NUP205: variants seen among roughly 807,000 people sequenced by gnomAD.
The protein encoded by NUP205 is nucleoporin 205.
A neutral mutation model predicts 253.8 loss-of-function variants in NUP205; 76 were observed. The observed-to-expected ratio is 0.30, with a 90% CI of 0.25 to 0.36. NUP205 has a LOEUF of 0.36. Among genes scored for constraint, NUP205 ranks in the 10% least tolerant of loss-of-function variants. The probability of loss-of-function intolerance (pLI) is 1.00; values close to 1 mark genes in which losing one functional copy is unlikely to be tolerated. For missense variants in NUP205, 2,162 were observed against 2,425.5 expected (o/e 0.89, Z 2.28); for synonymous variants, 832 against 850.1 (o/e 0.98, Z 0.37).
At chr7:135,592,161 G>A (rs994342216) in intron 11 of NUP205, among the ~76,000 whole-genome samples, 9 of 152,200 alleles carry the variant, frequency 5.9e-5, no homozygotes, top group Non-Finnish European at 7.3e-5. Context: ...GAGCCATGAT[G>A]GGAGCTGAAA....
chr7:135,574,315 AAAAT>A (rs1339958917), intron 3 of NUP205, among the ~76,000 whole-genome samples: 1 of 152,162 alleles, frequency 6.6e-6, no homozygotes, highest in African/African-American at 2.4e-5. Flanking sequence ...GAGTAGGTAA[AAAAT>A]AAGATGATTT....
Position 135,644,893 on chromosome 7 carries a change from A to G in NUP205, c.5560-2A>G. 6.2e-7 allele frequency: 1 copy of G among 1,613,262 alleles called. No homozygotes were observed. Among genetic ancestry groups the G allele is most frequent in the Non-Finnish European group, 8.5e-7 (1 of 1,179,724 alleles). ...TTCTAATACCACATTTGTTTCTTCT[A>G]GTTGTGTCAGTCTGTGATGCCTGCT... On this transcript the variant is annotated splice_acceptor_variant, in intron 39 of 42. Coordinates refer to ENST00000285968, the MANE Select transcript of NUP205 (RefSeq NM_015135.3). LOFTEE classifies it high-confidence loss of function.
chr7:135,634,089 T>C (rs559096191), intron 35 of NUP205, among the ~76,000 whole-genome samples: 12 of 152,284 alleles, frequency 7.9e-5, no homozygotes, highest in African/African-American at 2.9e-4. Context: ...CTCACAGATA[T>C]ATATATTTTT....
intron 30 of NUP205, among the ~76,000 whole-genome samples, chr7:135,621,465 T>C (rs1794468591): frequency 6.6e-6 from 1 of 152,176 alleles, no homozygotes; most frequent in Non-Finnish European, 1.5e-5. Flanking sequence ...TACAATAGGC[T>C]TTTTATAAGA....
intron 2 of NUP205, 32 bp downstream of exon 2, chr7:135,571,279 ATTT>A (rs546492942): frequency 3.4e-5 from 36 of 1,071,116 alleles, no homozygotes; most frequent in Non-Finnish European, 4.3e-5. Flanking sequence ...TTTTTTTGGG[ATTT>A]TTTTTTTTTT....
intron 21 of NUP205, 62 bp from the exon 22 acceptor site, chr7:135,607,185 G>A (rs1794103941): frequency 6.3e-7 from 1 of 1,588,146 alleles, no homozygotes; most frequent in Admixed American, 1.8e-5. Flanking sequence ...TGAAAAGGCA[G>A]TCTAAGATTT....
intron 30 of NUP205, 33 bp from the exon 31 acceptor site, chr7:135,622,743 AC>A (rs1212385023): frequency 2.5e-6 from 4 of 1,601,990 alleles, no homozygotes; most frequent in Admixed American, 1.7e-5. Flanking sequence ...ACTGCTTTTT[AC>A]TGGAGTGTTT....
intron 37 of NUP205, 137 bp from the exon 38 acceptor site, chr7:135,638,420 A>G: frequency 3.7e-6 from 3 of 811,234 alleles, no homozygotes; most frequent in Non-Finnish European, 5.6e-6. Flanking sequence ...ATCTGAAAAA[A>G]AAAAAAAAAA....
intron 23 of NUP205, among the ~76,000 whole-genome samples, chr7:135,615,026 T>G (rs528221217): frequency 6.6e-6 from 1 of 152,320 alleles, no homozygotes; most frequent in Admixed American, 6.5e-5. Flanking sequence ...TTTCACTCTA[T>G]TTTCATAAGT....
At chr7:135,614,116 C>T in intron 22 of NUP205, 43 bp from the exon 23 acceptor site, 2 of 1,119,022 alleles carry the variant, frequency 1.8e-6, no homozygotes, top group Non-Finnish European at 2.7e-6. Context: ...ATGTGTAACA[C>T]AGAAAGACTG....
At chr7:135,561,909 T>TTCATTCCC (rs2129489427) in intron 1 of NUP205, among the ~76,000 whole-genome samples, 1 of 132,014 alleles carries the variant, frequency 7.6e-6, no homozygotes, top group Admixed American at 8.8e-5. Flanking sequence ...TGTTCCTTCC[T>TTCATTCCC]TCCTTCCCTC....
intron 1 of NUP205, among the ~76,000 whole-genome samples, chr7:135,568,935 T>C (rs1432233876): frequency 1.3e-5 from 2 of 152,258 alleles, no homozygotes; most frequent in African/African-American, 4.8e-5. Flanking sequence ...ATTTTATTGT[T>C]TGTGCCAACA....
Position 135,617,661 on chromosome 7 carries a change from A to T in NUP205, c.3750A>T (p.Gly1250=), listed in dbSNP as rs764987480. The T allele has an allele frequency of 6.2e-7, 1 of 1,610,750 alleles. No homozygotes were observed. Among genetic ancestry groups the T allele is most frequent in the South Asian group, 1.1e-5 (1 of 90,986 alleles). Reference sequence around the variant, plus strand: ...CCCTTCAGGGTATGGCAGCCATAGGACAGAGACCTCTACTAATGGAGGTAA... The same window carrying T: ...CCCTTCAGGGTATGGCAGCCATAGGTCAGAGACCTCTACTAATGGAGGTAA... ...VNALQGMAAI[G]QRPLLMEEIS... Residue 1250 remains glycine, a synonymous_variant, in exon 27 of 43, where the codon GGA becomes GGT. Coordinates refer to ENST00000285968, the MANE Select transcript of NUP205 (RefSeq NM_015135.3).
intron 13 of NUP205, among the ~76,000 whole-genome samples, chr7:135,595,311 C>T (rs1307630956): frequency 6.6e-6 from 1 of 151,906 alleles, no homozygotes; most frequent in East Asian, 1.9e-4. Context: ...GTAGCCTCCA[C>T]CTCCCGGGTT....
intron 7 of NUP205, among the ~76,000 whole-genome samples, chr7:135,583,893 G>T (rs980234484): frequency 6.8e-6 from 1 of 146,206 alleles, no homozygotes; most frequent in East Asian, 2.0e-4. Flanking sequence ...CCAGGCTGGC[G>T]TGCAATGGCG....
At chr7:135,572,993 A>G (rs1806044376) in intron 2 of NUP205, among the ~76,000 whole-genome samples, 1 of 150,582 alleles carries the variant, frequency 6.6e-6, no homozygotes, top group Admixed American at 6.6e-5. Context: ...TTTAGTAGAA[A>G]GAACCCCAGC....
intron 18 of NUP205, among the ~76,000 whole-genome samples, chr7:135,603,478 C>T (rs1372090811): frequency 6.6e-6 from 1 of 151,070 alleles, no homozygotes; most frequent in African/African-American, 2.4e-5. Context: ...AATTTCTTCT[C>T]TTCCATGTTC....
In NUP205 at chr7:135,645,500, C is replaced by T. The variant is rs1430838133; in HGVS notation, c.5716C>T (p.Arg1906Cys). The T allele has an allele frequency of 5.6e-6, 9 of 1,613,542 alleles. No homozygotes were observed. The highest frequency in any genetic ancestry group is 2.2e-5 in the South Asian group (2 of 91,068). The change falls in exon 41 of 43, where the codon CGC becomes TGC. Residue 1906 changes from arginine to cysteine, a missense_variant. Arg to Cys is a radical substitution (Grantham distance 180). This residue lies in a region of NUP205 where 1,144 missense variants were observed against 1,280.9 expected (regional missense o/e 0.89). Transcript: ENST00000285968. ...IIETCLFILW[R>C]HLEYYLLHCM... is the part of the protein sequence containing the mutation. ...AGAGACCTGCCTATTTATTCTTTGG[C>T]GCCATCTGGAGTACTACTTGTTACA...
intron 22 of NUP205, among the ~76,000 whole-genome samples, chr7:135,611,411 G>A (rs1360546186): frequency 9.9e-5 from 15 of 152,096 alleles, no homozygotes; most frequent in Admixed American, 9.8e-4. Context: ...TGAGAAGTTC[G>A]GTATTAGCTT....
Sources: gnomAD v4.1 joint callset for allele counts (sites outside exome capture counted in the v4.1 genomes callset) on GRCh38, gnomAD v4.1.1 for gene constraint, gnomAD v4.1.1 regional missense constraint, MANE v1.5 for transcripts, NCBI Gene and HGNC (gene_info 2026-07-23, HGNC 2026-07-21) for gene names.